The following CREB5 variants were observed in gnomAD, a reference collection of about 807,000 sequenced individuals.
CREB5 encodes the protein cyclic AMP-responsive element-binding protein 5.
Under a neutral mutation model 57.1 loss-of-function variants are expected in CREB5, and 19 were observed. That is an observed-to-expected ratio of 0.33 (90% CI 0.23 to 0.49). The LOEUF (loss-of-function observed/expected upper bound fraction) is 0.49, where lower values mean the gene tolerates loss of function less well. Among genes scored for constraint, CREB5 ranks in the 20% least tolerant of loss-of-function variants. CREB5 has a pLI of 0.99. For missense variants in CREB5, 579 were observed against 671.6 expected (o/e 0.86, Z 1.52); for synonymous variants, 238 against 238.3 (o/e 1.00, Z 0.01).
chr7:28,337,844 G>A (rs549516746), intron 1 of CREB5, among the ~76,000 whole-genome samples: 1 of 151,860 alleles, frequency 6.6e-6, no homozygotes, highest in South Asian at 2.1e-4. Context: ...TCCATTTCTT[G>A]CTTTTTATGT....
intron 4 of CREB5, among the ~76,000 whole-genome samples, chr7:28,556,684 C>A (rs886869785): frequency 2.0e-5 from 3 of 152,120 alleles, no homozygotes; most frequent in Non-Finnish European, 4.4e-5. Flanking sequence ...GATCACCTAT[C>A]CAAGCCCATT....
chr7:28,816,055 G>GCACACACACACACACA (rs34917973), intron 9 of CREB5, among the ~76,000 whole-genome samples: 12 of 145,258 alleles, frequency 8.3e-5, no homozygotes, highest in Non-Finnish European at 1.5e-4. Flanking sequence ...AAATATATAC[G>GCACACACACACACACA]CACACACACA....
At chr7:28,725,597 A>C (rs770111740) in intron 7 of CREB5, among the ~76,000 whole-genome samples, 1 of 151,986 alleles carries the variant, frequency 6.6e-6, no homozygotes, top group Non-Finnish European at 1.5e-5. Context: ...AATAAAGTTC[A>C]AACTGGCAAC....
intron 1 of CREB5, among the ~76,000 whole-genome samples, chr7:28,305,883 G>T (rs868847550): frequency 1.8e-4 from 27 of 151,960 alleles, no homozygotes; most frequent in African/African-American, 6.3e-4. Context: ...CATTATGCAT[G>T]AACCCATCCA....
At chr7:28,678,955 A>G (rs978973546) in intron 5 of CREB5, among the ~76,000 whole-genome samples, 5 of 152,202 alleles carry the variant, frequency 3.3e-5, no homozygotes, top group African/African-American at 1.2e-4. Flanking sequence ...CCTTGTGGAA[A>G]GAAATGAAAC....
chr7:28,364,566 G>A (rs73086447), intron 1 of CREB5, among the ~76,000 whole-genome samples: 9,800 of 152,064 alleles, frequency 0.064, 346 homozygotes, highest in East Asian at 0.15. Flanking sequence ...AGCCTCCTGG[G>A]CCCTCCATCA....
chr7:28,502,855 A>G (rs1792324034), intron 3 of CREB5, among the ~76,000 whole-genome samples: 1 of 152,166 alleles, frequency 6.6e-6, no homozygotes, highest in African/African-American at 2.4e-5. Flanking sequence ...TTTTTTAACC[A>G]TTGAGGAAAA....
intron 4 of CREB5, among the ~76,000 whole-genome samples, chr7:28,556,264 T>G (rs993689503): frequency 5.3e-5 from 8 of 152,222 alleles, no homozygotes; most frequent in African/African-American, 1.4e-4. Flanking sequence ...AAAGCTGTTC[T>G]TATTCTAAGC....
intron 6 of CREB5, among the ~76,000 whole-genome samples, chr7:28,722,740 C>G (rs1377469942): frequency 6.6e-6 from 1 of 152,208 alleles, no homozygotes; most frequent in African/African-American, 2.4e-5. Flanking sequence ...ATTAGCTCCT[C>G]TTGAAACAGT....
chr7:28,463,438 G>A (rs1790433195), intron 1 of CREB5, among the ~76,000 whole-genome samples: 1 of 152,100 alleles, frequency 6.6e-6, no homozygotes, highest in African/African-American at 2.4e-5. Context: ...ATCGATTTTA[G>A]GATCAGTTTG....
intron 1 of CREB5, among the ~76,000 whole-genome samples, chr7:28,382,696 A>G (rs1786989843): frequency 6.6e-6 from 1 of 152,008 alleles, no homozygotes; most frequent in African/African-American, 2.4e-5. Flanking sequence ...GTACTCATTT[A>G]CAATTGCACT....
intron 7 of CREB5, among the ~76,000 whole-genome samples, chr7:28,791,872 A>G (rs1807730998): frequency 6.6e-6 from 1 of 152,192 alleles, no homozygotes; most frequent in African/African-American, 2.4e-5. Flanking sequence ...CTTTCCTCCC[A>G]CCACCCCCAT....
At chr7:28,709,431 C>T (rs916111474) in intron 5 of CREB5, among the ~76,000 whole-genome samples, 16 of 152,120 alleles carry the variant, frequency 1.1e-4, no homozygotes, top group African/African-American at 3.6e-4. Context: ...ATTAATGGTG[C>T]AGAAATCAGT....
intron 4 of CREB5, among the ~76,000 whole-genome samples, chr7:28,539,548 T>C (rs1396010669): frequency 6.6e-6 from 1 of 152,258 alleles, no homozygotes; most frequent in African/African-American, 2.4e-5. Context: ...TCTATATTCC[T>C]TGCTCATATT....
intron 4 of CREB5, among the ~76,000 whole-genome samples, chr7:28,567,362 T>C (rs1367437768): frequency 3.9e-5 from 6 of 152,330 alleles, no homozygotes; most frequent in Admixed American, 3.9e-4. Flanking sequence ...ATTAGCACTC[T>C]CGAAAATTGA....
intron 4 of CREB5, among the ~76,000 whole-genome samples, chr7:28,511,533 G>A (rs1792699983): frequency 6.6e-6 from 1 of 152,204 alleles, no homozygotes; most frequent in Non-Finnish European, 1.5e-5. Context: ...TGCCCAGGCT[G>A]GAGCGCAGTG....
At chr7:28,388,389 C>T (rs1787152674) in intron 1 of CREB5, among the ~76,000 whole-genome samples, 1 of 152,136 alleles carries the variant, frequency 6.6e-6, no homozygotes, top group Non-Finnish European at 1.5e-5. Flanking sequence ...TTCAATTCCC[C>T]ATCTTGCTTA....
chr7:28,339,185 T>C (rs1785884882), intron 1 of CREB5, among the ~76,000 whole-genome samples: 1 of 152,124 alleles, frequency 6.6e-6, no homozygotes. Context: ...CTTGTAGATG[T>C]TTGTCAGTGT....
At chr7:28,614,074 C>T (rs1346561631) in intron 5 of CREB5, among the ~76,000 whole-genome samples, 1 of 152,170 alleles carries the variant, frequency 6.6e-6, no homozygotes, top group Non-Finnish European at 1.5e-5. Context: ...ATCCTCTCAC[C>T]TCAGCCTCCT....
Sources: gnomAD v4.1 joint callset for allele counts (sites outside exome capture counted in the v4.1 genomes callset) on GRCh38, gnomAD v4.1.1 for gene constraint, MANE v1.5 for transcripts, NCBI Gene and HGNC (gene_info 2026-07-23, HGNC 2026-07-21) for gene names.